PHF14: variants seen among roughly 807,000 people sequenced by gnomAD.
PHF14 encodes PHD finger protein 14.
A neutral mutation model predicts 117.9 loss-of-function variants in PHF14; 55 were observed. The ratio of observed to expected loss-of-function variants is 0.47; its 90% CI spans 0.38 to 0.58. PHF14 has a LOEUF of 0.58. Ranked by LOEUF, PHF14 falls within the 20% of genes least tolerant of loss-of-function variation. The probability of loss-of-function intolerance (pLI) is 0.00; values close to 1 mark genes in which losing one functional copy is unlikely to be tolerated. For synonymous variants in PHF14, 409 were observed against 368.6 expected (o/e 1.11, Z -1.26); for missense variants, 978 against 1,122.2 (o/e 0.87, Z 1.84).
intron 17 of PHF14, among the ~76,000 whole-genome samples, chr7:11,126,771 G>A (rs1437805115): frequency 2.1e-4 from 31 of 144,796 alleles, no homozygotes; most frequent in Non-Finnish European, 3.6e-4. Context: ...CATAGCAATA[G>A]GATGAAAAAA....
intron 16 of PHF14, among the ~76,000 whole-genome samples, chr7:11,100,433 A>C (rs1787046152): frequency 6.6e-6 from 1 of 152,136 alleles, no homozygotes; most frequent in Admixed American, 6.6e-5. Flanking sequence ...CCATTTTAGA[A>C]GAGAGGTAAC....
chr7:11,008,566 A>G (rs1440658902), intron 4 of PHF14, among the ~76,000 whole-genome samples: 1 of 152,258 alleles, frequency 6.6e-6, no homozygotes, highest in East Asian at 1.9e-4. Flanking sequence ...TGATGATCTG[A>G]GGTGGAACAG....
At chr7:11,072,097 T>C (rs1327955584) in intron 16 of PHF14, among the ~76,000 whole-genome samples, 1 of 152,186 alleles carries the variant, frequency 6.6e-6, no homozygotes, top group Non-Finnish European at 1.5e-5. Flanking sequence ...TAAGAAAAGA[T>C]ATTTAATTGA....
intron 17 of PHF14, among the ~76,000 whole-genome samples, chr7:11,116,256 G>A (rs891990736): frequency 1.3e-5 from 2 of 151,892 alleles, no homozygotes; most frequent in African/African-American, 4.8e-5. Flanking sequence ...CTTATCTACT[G>A]TCTCTATCTC....
intron 17 of PHF14, among the ~76,000 whole-genome samples, chr7:11,169,001 A>T (rs1276470942): frequency 1.5e-4 from 23 of 151,848 alleles, no homozygotes; most frequent in Admixed American, 1.5e-3. Context: ...GGTACAAGTA[A>T]TTGGAAAATT....
intron 13 of PHF14, among the ~76,000 whole-genome samples, chr7:11,048,297 G>A (rs369551936): frequency 8.5e-5 from 13 of 152,276 alleles, no homozygotes; most frequent in African/African-American, 3.1e-4. Context: ...TTTCAGCTGG[G>A]CGTGGTGGCT....
At chr7:11,052,705 C>T (rs1784885116) in intron 14 of PHF14, among the ~76,000 whole-genome samples, 1 of 152,154 alleles carries the variant, frequency 6.6e-6, no homozygotes, top group Admixed American at 6.6e-5. Flanking sequence ...TCTCTCAGTA[C>T]TAATGATTTT....
chr7:10,981,718 A>G (rs1235498584), intron 2 of PHF14, among the ~76,000 whole-genome samples: 1 of 152,226 alleles, frequency 6.6e-6, no homozygotes, highest in Non-Finnish European at 1.5e-5. Context: ...CAGTATCCTA[A>G]TAAACAGGAA....
At chr7:11,093,418 G>C (rs1316183529) in intron 16 of PHF14, among the ~76,000 whole-genome samples, 1 of 152,112 alleles carries the variant, frequency 6.6e-6, no homozygotes, top group Non-Finnish European at 1.5e-5. Context: ...GAGTTGAGCT[G>C]GGCTTATATT....
At position 11,037,059 on chromosome 7, in the gene PHF14, G is replaced by A; in HGVS notation, c.1948G>A (p.Glu650Lys). The A allele has an allele frequency of 6.6e-7, 1 of 1,504,644 alleles. No individual in the cohort carries two copies. 93.2% of individuals were successfully genotyped at this position (1,504,644 alleles called of 1,614,324 possible). A position where few individuals can be genotyped will look rare whatever the true frequency, so the allele number is the denominator to read the frequency against. The change falls in exon 10 of 18, where the codon GAA becomes AAA. Residue 650 changes from glutamate (E) to lysine (K), a missense_variant. Glu to Lys is a moderately conservative substitution (Grantham distance 56). Transcript: ENST00000634607. ...QKNIKDKLEN[E>K]QEKLHVEYNK... is the part of the protein sequence containing the mutation. Reference sequence around the variant, plus strand: ...GAATATAAAAGATAAATTAGAGAATGAACAAGAAAAGCTTCATGTAGAATA... The same window carrying A: ...GAATATAAAAGATAAATTAGAGAATAAACAAGAAAAGCTTCATGTAGAATA...
chr7:11,129,548 C>CT (rs71023891), intron 17 of PHF14, among the ~76,000 whole-genome samples: 55,042 of 133,274 alleles, frequency 0.41, 11,408 homozygotes, highest in East Asian at 0.81. Context: ...GTGTATGTTT[C>CT]TTTTTTTTTT....
At chr7:11,113,512 G>A (rs1469691036) in intron 17 of PHF14, among the ~76,000 whole-genome samples, 3 of 152,100 alleles carry the variant, frequency 2.0e-5, no homozygotes, top group African/African-American at 7.2e-5. Flanking sequence ...ATAAAATATG[G>A]TTTCTAATAT....
At chr7:11,022,588 T>A (rs999824008) in intron 5 of PHF14, among the ~76,000 whole-genome samples, 3 of 152,188 alleles carry the variant, frequency 2.0e-5, no homozygotes, top group African/African-American at 7.2e-5. Context: ...AAGTGCAAAG[T>A]GCAGTGAGTG....
intron 4 of PHF14, among the ~76,000 whole-genome samples, chr7:10,997,705 G>T (rs550681982): frequency 9.2e-5 from 14 of 152,328 alleles, no homozygotes; most frequent in African/African-American, 3.1e-4. Flanking sequence ...TTTGATGGCT[G>T]TTGGCCAGAG....
intron 4 of PHF14, among the ~76,000 whole-genome samples, chr7:11,005,946 C>T (rs1783070395): frequency 6.6e-6 from 1 of 151,926 alleles, no homozygotes; most frequent in Non-Finnish European, 1.5e-5. Flanking sequence ...GCATGCGCCA[C>T]CTCACCCGGC....
chr7:11,020,116 C>T (rs60680874), intron 5 of PHF14, among the ~76,000 whole-genome samples: 3,945 of 151,840 alleles, frequency 0.026, 137 homozygotes, highest in East Asian at 0.1. Context: ...TCAGACGGGG[C>T]CTGGCTCTGT....
chr7:10,981,837 AT>A (rs1238548858), intron 2 of PHF14, among the ~76,000 whole-genome samples: 3 of 152,182 alleles, frequency 2.0e-5, no homozygotes, highest in Non-Finnish European at 4.4e-5. Flanking sequence ...GAGTTGTAGT[AT>A]AAGTTGACTA....
intron 17 of PHF14, among the ~76,000 whole-genome samples, chr7:11,115,615 G>C (rs1318566905): frequency 6.6e-6 from 1 of 151,918 alleles, no homozygotes; most frequent in Non-Finnish European, 1.5e-5. Flanking sequence ...AAATCAGCCA[G>C]ATCAGGAAGT....
At chr7:10,995,715 C>G (rs1432840412) in intron 4 of PHF14, among the ~76,000 whole-genome samples, 5 of 152,210 alleles carry the variant, frequency 3.3e-5, no homozygotes, top group Admixed American at 3.3e-4. Context: ...CAGCTGAGGC[C>G]CGGCGAGAAT....
Sources: allele counts gnomAD v4.1 joint callset (sites outside exome capture counted in the v4.1 genomes callset), GRCh38; gene constraint gnomAD v4.1.1; transcripts MANE v1.5; gene names NCBI Gene and HGNC (gene_info 2026-07-23, HGNC 2026-07-21).